The following PIK3C3 variants were observed in gnomAD, a reference collection of about 807,000 sequenced individuals.
PIK3C3 encodes the protein phosphatidylinositol 3-kinase catalytic subunit type 3.
Under a neutral mutation model 126.1 loss-of-function variants are expected in PIK3C3, and 95 were observed. The ratio of observed to expected loss-of-function variants is 0.75; its 90% CI spans 0.64 to 0.89. The LOEUF is 0.89. PIK3C3 is among the 40% of genes least tolerant of loss of function. The pLI is 0.00. For missense variants in PIK3C3, 829 were observed against 1,063.2 expected (o/e 0.78, Z 3.06); for synonymous variants, 374 against 360.0 (o/e 1.04, Z -0.44).
intron 15 of PIK3C3, among the ~76,000 whole-genome samples, chr18:42,033,141 A>G (rs985683316): frequency 1.3e-5 from 2 of 152,132 alleles, no homozygotes; most frequent in Non-Finnish European, 2.9e-5. Flanking sequence ...CTTTTAAAGG[A>G]AATTAATTGT....
intron 5 of PIK3C3, among the ~76,000 whole-genome samples, 182 bp downstream of exon 5, chr18:41,988,080 C>T (rs965141078): frequency 3.9e-5 from 6 of 152,020 alleles, no homozygotes; most frequent in Non-Finnish European, 8.8e-5. Context: ...TATATTTTAA[C>T]GTAATGTCAA....
At chr18:41,964,721 CAA>C (rs1203879602) in intron 3 of PIK3C3, among the ~76,000 whole-genome samples, 1 of 151,872 alleles carries the variant, frequency 6.6e-6, no homozygotes, top group African/African-American at 2.4e-5. Flanking sequence ...TTAAAAAACT[CAA>C]TGTTATTTTG....
chr18:41,981,381 T>A (rs1981189853), intron 4 of PIK3C3, among the ~76,000 whole-genome samples: 1 of 152,208 alleles, frequency 6.6e-6, no homozygotes, highest in Admixed American at 6.5e-5. Context: ...CTTTTAAGAC[T>A]AGATTTATCT....
Position 42,085,793 on chromosome 18 carries a change from A to G in PIK3C3, c.*4656A>G, listed in dbSNP as rs769665674. 1 of 152,216 alleles carries G rather than the reference A, an allele frequency of 6.6e-6. No individual in the cohort carries two copies. 9.4% of individuals were successfully genotyped at this position (152,216 alleles called of 1,614,324 possible). On this transcript the variant is annotated 3_prime_UTR_variant, in exon 25 of 25. Transcript: ENST00000262039. ...AGAGTAACCCATTTCTGCATGAACC[A>G]TAGAATTTAACTAGAATTTGGCTGG...
At chr18:41,982,590 A>C (rs1981261024) in intron 4 of PIK3C3, among the ~76,000 whole-genome samples, 1 of 152,182 alleles carries the variant, frequency 6.6e-6, no homozygotes, top group South Asian at 2.1e-4. Flanking sequence ...AAATTACTTT[A>C]GCTTTTAAAT....
rs1272320803 is a variant in PIK3C3, at chr18:42,085,359, T to C, written c.*4222T>C. 1 of 152,174 alleles carries C rather than the reference T, an allele frequency of 6.6e-6. No homozygotes were observed. The highest frequency in any genetic ancestry group is 1.5e-5 in the Non-Finnish European group (1 of 68,024). The allele number at this position is 152,174 out of a possible 1,614,324, so 9.4% of individuals were successfully genotyped here. ...AACTTCATATACTTTATATGGAATA[T>C]GAACAACTTTAATATGAATAAATAG... On this transcript the variant is annotated 3_prime_UTR_variant, in exon 25 of 25. Transcript: ENST00000262039.
At chr18:41,998,062 C>G (rs772157628) in intron 9 of PIK3C3, among the ~76,000 whole-genome samples, 3 of 152,048 alleles carry the variant, frequency 2.0e-5, no homozygotes, top group Admixed American at 6.6e-5. Context: ...AATGTCCTTT[C>G]TTTAGTTTCT....
intron 21 of PIK3C3, among the ~76,000 whole-genome samples, chr18:42,055,317 A>G (rs1375583498): frequency 1.5e-4 from 23 of 152,162 alleles, no homozygotes; most frequent in Non-Finnish European, 1.5e-5. Context: ...TTATTGAAAA[A>G]TATTGCATCA....
At chr18:42,012,616 G>A (rs1161213125) in intron 10 of PIK3C3, among the ~76,000 whole-genome samples, 1 of 152,152 alleles carries the variant, frequency 6.6e-6, no homozygotes, top group Non-Finnish European at 1.5e-5. Context: ...GGACAAGTAT[G>A]TCAAGACAAC....
chr18:42,080,135 A>G (rs996777655), intron 24 of PIK3C3, among the ~76,000 whole-genome samples: 2 of 152,124 alleles, frequency 1.3e-5, no homozygotes, highest in South Asian at 2.1e-4. Context: ...AAATAAACAT[A>G]TGTGGTTTTA....
chr18:42,055,832 T>A (rs1169181305), intron 21 of PIK3C3, among the ~76,000 whole-genome samples: 1 of 151,938 alleles, frequency 6.6e-6, no homozygotes, highest in Non-Finnish European at 1.5e-5. Context: ...CATTAAATAC[T>A]GTCAAAGAGA....
intron 14 of PIK3C3, among the ~76,000 whole-genome samples, chr18:42,027,804 G>A (rs780202554): frequency 1.3e-5 from 2 of 151,956 alleles, no homozygotes; most frequent in South Asian, 4.2e-4. Context: ...AAAGGCGCCC[G>A]CTACCATGCC....
chr18:42,066,747 A>G (rs1241269779), intron 23 of PIK3C3, among the ~76,000 whole-genome samples: 1 of 152,216 alleles, frequency 6.6e-6, no homozygotes, highest in Non-Finnish European at 1.5e-5. Flanking sequence ...TTTTTCTAGT[A>G]CTTAATGCTA....
intron 4 of PIK3C3, among the ~76,000 whole-genome samples, chr18:41,986,254 A>G (rs550431888): frequency 6.6e-6 from 1 of 152,270 alleles, no homozygotes; most frequent in East Asian, 1.9e-4. Context: ...ATGTAAATAA[A>G]TGTTATTTTT....
At chr18:41,977,922 AAG>A (rs1981009979) in intron 4 of PIK3C3, among the ~76,000 whole-genome samples, 1 of 152,156 alleles carries the variant, frequency 6.6e-6, no homozygotes, top group South Asian at 2.1e-4. Flanking sequence ...TTGAGGAAAA[AAG>A]GACACTGCTT....
chr18:42,032,939 T>A (rs1407369573), intron 15 of PIK3C3, among the ~76,000 whole-genome samples: 3 of 152,168 alleles, frequency 2.0e-5, no homozygotes, highest in African/African-American at 7.2e-5. Context: ...TTTCTGAACT[T>A]CTTTCACTGA....
chr18:42,003,116 C>T (rs542708565), intron 9 of PIK3C3, among the ~76,000 whole-genome samples: 7 of 152,274 alleles, frequency 4.6e-5, no homozygotes, highest in African/African-American at 1.4e-4. Flanking sequence ...TTGAACTAGA[C>T]AATCTCCATA....
intron 21 of PIK3C3, among the ~76,000 whole-genome samples, chr18:42,055,964 T>C (rs1430716895): frequency 1.3e-5 from 2 of 152,116 alleles, no homozygotes; most frequent in African/African-American, 4.8e-5. Context: ...CTCCCTATGT[T>C]TTACAAGTTG....
chr18:42,078,385 A>AG (rs1986113561), intron 24 of PIK3C3, among the ~76,000 whole-genome samples: 1 of 40,292 alleles, frequency 2.5e-5, no homozygotes, highest in African/African-American at 2.8e-4. Flanking sequence ...CTCTGTCTCA[A>AG]AAAAAAAAAA....
Sources: allele counts gnomAD v4.1 joint callset (sites outside exome capture counted in the v4.1 genomes callset), GRCh38; gene constraint gnomAD v4.1.1; transcripts MANE v1.5; gene names NCBI Gene and HGNC (gene_info 2026-07-23, HGNC 2026-07-21).